SPTBN1: variants seen among roughly 807,000 people sequenced by gnomAD.
SPTBN1 encodes spectrin beta, non-erythrocytic 1.
A neutral mutation model predicts 266.4 loss-of-function variants in SPTBN1; 32 were observed. The ratio of observed to expected loss-of-function variants is 0.12; its 90% CI spans 0.09 to 0.16. The LOEUF (loss-of-function observed/expected upper bound fraction) is 0.16, where lower values mean the gene tolerates loss of function less well. SPTBN1 is among the 10% of genes least tolerant of loss of function. The pLI is 1.00. For missense variants in SPTBN1, 2,296 were observed against 3,067.1 expected, an observed-to-expected ratio of 0.75 and a Z score of 5.94; for synonymous variants, 1,336 against 1,162.2, an observed-to-expected ratio of 1.15 and a Z score of -3.04.
In SPTBN1 at chr2:54,659,166, G is replaced by A. The variant is rs201593292; in HGVS notation, c.6256G>A (p.Glu2086Lys). 1.7e-5 allele frequency: 27 copies of A among 1,613,896 alleles called. No individual in the cohort carries two copies. The highest frequency in any genetic ancestry group is 2.3e-5 in the Non-Finnish European group (27 of 1,179,968). ...LERLTTLELL[E>K]VRRQQEEEER... ...TATTTTCTCTTAGTTGGAGTTACTG[G>A]AAGTGCGCAGACAGCAAGAGGAAGA... is the stretch of plus-strand genomic sequence containing the variant. Residue 2086 changes from glutamate (E) to lysine (K), a missense_variant, in exon 31 of 36, where the codon GAA becomes AAA. Coordinates refer to ENST00000356805, the MANE Select transcript of SPTBN1 (RefSeq NM_003128.3).
intron 2 of SPTBN1, among the ~76,000 whole-genome samples, chr2:54,541,686 G>A (rs1175419257): frequency 6.6e-6 from 1 of 152,172 alleles, no homozygotes; most frequent in Non-Finnish European, 1.5e-5. Context: ...CTCAATGGAT[G>A]ACTTCAGAGT....
In SPTBN1 at chr2:54,646,317, C is replaced by T. The variant is rs201352146; in HGVS notation, c.4708C>T (p.Leu1570=). The T allele has an allele frequency of 1.2e-6, 2 of 1,614,216 alleles. No homozygotes were observed. The highest frequency in any genetic ancestry group is 3.3e-5 in the Admixed American group (2 of 60,032). The part of the protein sequence containing the change: ...AEAIRQRLAD[L]KQLWGLLIEE... ...GGCCATCAGACAGAGGCTTGCCGAC[C>T]TGAAGCAGCTGTGGGGTCTCCTCAT... Residue 1570 remains leucine, a synonymous_variant, in exon 23 of 36, where the codon CTG becomes TTG. Transcript: ENST00000356805. This position sits in a 1 kb window ranked among gnomAD's most constrained non-coding sequence, Gnocchi z 4.4.
At chr2:54,555,354 T>C (rs1240337142) in intron 2 of SPTBN1, among the ~76,000 whole-genome samples, 1 of 152,198 alleles carries the variant, frequency 6.6e-6, no homozygotes, top group Non-Finnish European at 1.5e-5. Context: ...TCCACCTGTC[T>C]AGAAGGAAAT....
chr2:54,524,528 G>A (rs1053780687), intron 1 of SPTBN1, among the ~76,000 whole-genome samples: 5 of 151,968 alleles, frequency 3.3e-5, no homozygotes, highest in Admixed American at 2.6e-4. Context: ...AACCATCCCC[G>A]CTTCTCCACC....
intron 10 of SPTBN1, among the ~76,000 whole-genome samples, chr2:54,623,837 A>G (rs1204178312): frequency 1.3e-5 from 2 of 152,242 alleles, no homozygotes; most frequent in Non-Finnish European, 1.5e-5. Context: ...GGCGTAGGCT[A>G]TACACCTTGC....
At chr2:54,543,332 A>G (rs1672045344) in intron 2 of SPTBN1, among the ~76,000 whole-genome samples, 1 of 152,238 alleles carries the variant, frequency 6.6e-6, no homozygotes, top group Non-Finnish European at 1.5e-5. Context: ...TAATTATAAC[A>G]TTTCATTATG....
intron 2 of SPTBN1, chr2:54,529,852 C>CAAAAAAAAAA (rs61316795): frequency 1.7e-5 from 1 of 57,528 alleles, no homozygotes; most frequent in African/African-American, 9.2e-5. Flanking sequence ...CTCTTTTCAC[C>CAAAAAAAAAA]AAAAAAAAAA....
intron 1 of SPTBN1, among the ~76,000 whole-genome samples, chr2:54,483,044 G>A (rs4671218): frequency 0.22 from 33,277 of 152,106 alleles, 4,665 homozygotes; most frequent in East Asian, 0.37. Context: ...TGAGGAGGCC[G>A]GGCCAGGGAA....
chr2:54,668,409 A>G lies in SPTBN1; in HGVS notation c.6935A>G (p.Glu2312Gly), dbSNP rs1681519833. Residue 2312 changes from glutamate to glycine, a missense_variant, in exon 36 of 36, where the codon GAG (glutamate) becomes GGG (glycine). By Grantham distance (98) the Glu-to-Gly change is moderately conservative. Coordinates refer to ENST00000356805, the MANE Select transcript of SPTBN1 (RefSeq NM_003128.3). ...TCCGCCATCTCCTCTGATAAACACG[A>G]GGTGTCTGCCAGCACCCAGAGCACG... Reference protein sequence around the residue: ...ISSAISSDKHEVSASTQSTPA... With the variant: ...ISSAISSDKHGVSASTQSTPA... 6.2e-7 allele frequency: 1 copy of G among 1,614,028 alleles called. No individual in the cohort carries two copies. Among genetic ancestry groups the G allele is most frequent in the African/African-American group, 1.3e-5 (1 of 74,886 alleles).
chr2:54,541,999 TCCTGTG>T, intron 2 of SPTBN1, among the ~76,000 whole-genome samples: 1 of 152,370 alleles, frequency 6.6e-6, no homozygotes, highest in East Asian at 1.9e-4. Flanking sequence ...TGTTGGAATA[TCCTGTG>T]GTAGTTAGGT....
At chr2:54,579,325 C>T (rs1426304579) in intron 2 of SPTBN1, among the ~76,000 whole-genome samples, 1 of 152,126 alleles carries the variant, frequency 6.6e-6, no homozygotes, top group Non-Finnish European at 1.5e-5. Context: ...AATACAGTGC[C>T]AGGTTATCAA....
At position 54,671,427 on chromosome 2, in the gene SPTBN1, T is replaced by C. The variant is rs545312846; in HGVS notation, c.*2858T>C. 6.6e-6 allele frequency: 1 copy of C among 152,298 alleles called. No homozygotes were observed. Among genetic ancestry groups the C allele is most frequent in the South Asian group, 2.1e-4 (1 of 4,828 alleles). The allele number at this position is 152,298 out of a possible 1,614,324, so 9.4% of individuals were successfully genotyped here. A position where few individuals can be genotyped will look rare whatever the true frequency, so the allele number is the denominator to read the frequency against. On this transcript the variant is annotated 3_prime_UTR_variant, in exon 36 of 36. Coordinates refer to ENST00000356805, the MANE Select transcript of SPTBN1 (RefSeq NM_003128.3). ...TGTTTTATCAGTCGGAATTCTTAAATAAAGACATACTTCCCTTCATGTAGT... is the reference window on the plus strand; with the variant it reads ...TGTTTTATCAGTCGGAATTCTTAAACAAAGACATACTTCCCTTCATGTAGT...
In SPTBN1 at chr2:54,644,378, A is replaced by G; in HGVS notation, c.4061A>G (p.Lys1354Arg). The G allele has an allele frequency of 6.2e-7, 1 of 1,614,052 alleles. No individual in the cohort carries two copies. Among genetic ancestry groups the G allele is most frequent in the Non-Finnish European group, 8.5e-7 (1 of 1,179,888 alleles). ...GAGACGGAAGCTGTGGTGAAGGAGA[A>G]ACTCACTGGTTTACATAAAATGTGG... ...KPETEAVVKE[K>R]LTGLHKMWEV... The change falls in exon 20 of 36, where the codon AAA (lysine) becomes AGA (arginine). Residue 1354 changes from lysine (K) to arginine (R), a missense_variant. Physicochemically the swap from Lys to Arg is conservative, Grantham distance 26 (BLOSUM62 2). Transcript: ENST00000356805.
intron 1 of SPTBN1, among the ~76,000 whole-genome samples, chr2:54,492,966 CT>C (rs1047933341): frequency 1.3e-5 from 2 of 148,902 alleles, no homozygotes; most frequent in African/African-American, 5.0e-5. Flanking sequence ...AAATCTAATC[CT>C]TTTTTAAAGT....
At chr2:54,659,854 G>A in intron 31 of SPTBN1, 82 bp from the exon 32 acceptor site, 1 of 1,516,678 alleles carries the variant, frequency 6.6e-7, no homozygotes, top group Non-Finnish European at 8.8e-7. Context: ...ATTGAGTGAT[G>A]ATGTTCTCCC....
At chr2:54,468,510 A>T (rs1238277479) in intron 1 of SPTBN1, among the ~76,000 whole-genome samples, 1 of 152,108 alleles carries the variant, frequency 6.6e-6, no homozygotes, top group Non-Finnish European at 1.5e-5. Flanking sequence ...TGACATGATG[A>T]TGTTCAGCAC....
At position 54,669,201 on chromosome 2, in the gene SPTBN1, A is replaced by G. The variant is rs971829632; in HGVS notation, c.*632A>G. 1 of 151,918 alleles carries G rather than the reference A, an allele frequency of 6.6e-6. No homozygotes were observed. 9.4% of individuals were successfully genotyped at this position (151,918 alleles called of 1,614,324 possible). On this transcript the variant is annotated 3_prime_UTR_variant, in exon 36 of 36. Coordinates refer to ENST00000356805, the MANE Select transcript of SPTBN1 (RefSeq NM_003128.3). ...TAAGAATGTCAGTATACAAGAAGGA[A>G]TAGAAAACTGATACTGTTTTAAATA...
At chr2:54,517,133 TGG>T (rs1252564402) in intron 1 of SPTBN1, among the ~76,000 whole-genome samples, 5 of 11,772 alleles carry the variant, frequency 4.2e-4, no homozygotes, top group Non-Finnish European at 7.0e-4. Context: ...TGGAGGGGGA[TGG>T]ATAGTGAGGC....
At chr2:54,632,944 T>C (rs1678853169) in intron 17 of SPTBN1, among the ~76,000 whole-genome samples, 176 bp downstream of exon 17, 1 of 152,146 alleles carries the variant, frequency 6.6e-6, no homozygotes, top group Non-Finnish European at 1.5e-5. Context: ...CATGACTGCC[T>C]GAGAATGTGG....
Sources: allele counts gnomAD v4.1 joint callset (sites outside exome capture counted in the v4.1 genomes callset), GRCh38; gene constraint gnomAD v4.1.1; non-coding constraint Gnocchi (gnomAD v3.1); transcripts MANE v1.5; gene names NCBI Gene and HGNC (gene_info 2026-07-23, HGNC 2026-07-21).